The following USP54 variants were observed in gnomAD, a reference collection of about 807,000 sequenced individuals.
USP54 encodes ubiquitin specific peptidase 54, also known as ubiquitin carboxyl-terminal hydrolase 54.
In USP54, 87 loss-of-function variants were observed where a neutral mutation model predicts 170.5. The observed-to-expected ratio is 0.51, with a 90% CI of 0.43 to 0.61. The LOEUF (loss-of-function observed/expected upper bound fraction) is 0.61, where lower values mean the gene tolerates loss of function less well. Ranked by LOEUF, USP54 falls within the 20% of genes least tolerant of loss-of-function variation. USP54 has a pLI of 0.00. For missense variants in USP54, 1,786 were observed against 2,047.8 expected (o/e 0.87, Z 2.47); for synonymous variants, 655 against 742.8 (o/e 0.88, Z 1.92).
At chr10:73,557,141 A>C (rs984626989) in intron 4 of USP54, among the ~76,000 whole-genome samples, 2 of 152,148 alleles carry the variant, frequency 1.3e-5, no homozygotes, top group African/African-American at 4.8e-5. Flanking sequence ...ATAAGCCAAC[A>C]CCAAAGTCAA....
chr10:73,608,670 CA>C (rs2079876299), intron 1 of USP54, among the ~76,000 whole-genome samples: 1 of 152,102 alleles, frequency 6.6e-6, no homozygotes, highest in Admixed American at 6.6e-5. Context: ...CCGAGGTGGG[CA>C]GATCATTTGA....
intron 17 of USP54, among the ~76,000 whole-genome samples, chr10:73,521,600 C>T (rs898310218): frequency 6.6e-6 from 1 of 152,240 alleles, no homozygotes; most frequent in Non-Finnish European, 1.5e-5. Flanking sequence ...AATCAGTGCA[C>T]TTCTTGGTCA....
Position 73,517,235 on chromosome 10 carries a change from G to C in USP54, c.3191C>G (p.Pro1064Arg). 4 of 1,614,178 alleles carry C rather than the reference G, an allele frequency of 2.5e-6. No individual in the cohort carries two copies. The highest frequency in any genetic ancestry group is 3.4e-6 in the Non-Finnish European group (4 of 1,180,020). The change falls in exon 20 of 24, where the codon CCC becomes CGC. Residue 1064 changes from proline to arginine, a missense_variant. Pro to Arg is a moderately radical substitution (Grantham distance 103). Coordinates refer to ENST00000687698, the MANE Select transcript of USP54 (RefSeq NM_001391956.1). The part of the protein sequence containing the change: ...GCSPSNSSAQ[P>R]SLPLYRTCHP... ...GCAGGTTCTATACAGGGGAAGGCTG[G>C]GCTGAGCTGATGAATTTGAAGGACT...
intron 4 of USP54, among the ~76,000 whole-genome samples, chr10:73,548,551 T>TA (rs200811237): frequency 0.051 from 7,756 of 151,952 alleles, 612 homozygotes; most frequent in African/African-American, 0.17. Flanking sequence ...TATGCAGCCT[T>TA]AAAAAAAATG....
At chr10:73,513,866 A>G (rs1250721649) in intron 20 of USP54, among the ~76,000 whole-genome samples, 1 of 152,078 alleles carries the variant, frequency 6.6e-6, no homozygotes, top group Non-Finnish European at 1.5e-5. Context: ...CCAGGTTAGA[A>G]TGCAGTGGCA....
At chr10:73,552,139 T>A (rs2069536920) in intron 4 of USP54, among the ~76,000 whole-genome samples, 1 of 152,214 alleles carries the variant, frequency 6.6e-6, no homozygotes. Context: ...TTCAGCTATA[T>A]GATCTCGGGT....
upstream of USP54, among the ~76,000 whole-genome samples, chr10:73,593,493 A>C (rs193297756): frequency 1.3e-5 from 2 of 152,236 alleles, no homozygotes; most frequent in Admixed American, 1.3e-4. Context: ...TATTTTTTAA[A>C]ATAGGGTTTT....
chr10:73,604,781 G>A (rs1360555740), intron 1 of USP54, among the ~76,000 whole-genome samples: 4 of 151,978 alleles, frequency 2.6e-5, no homozygotes, highest in African/African-American at 4.8e-5. Flanking sequence ...CTTCAAGAAC[G>A]AAGCCGCAGA....
chr10:73,536,147 C>T, intron 11 of USP54, 122 bp downstream of exon 11: 6 of 1,377,926 alleles, frequency 4.4e-6, no homozygotes, highest in East Asian at 2.5e-5. Flanking sequence ...TTCTTTCTTA[C>T]CTCTAATGGA....
intron 5 of USP54, 58 bp downstream of exon 5, chr10:73,545,480 G>A: frequency 1.3e-6 from 2 of 1,598,792 alleles, no homozygotes; most frequent in Non-Finnish European, 1.7e-6. Flanking sequence ...GCCAGTCCCT[G>A]ATGGAGACCA....
chr10:73,573,973 T>G (rs1390938630), intron 3 of USP54, among the ~76,000 whole-genome samples: 1 of 152,204 alleles, frequency 6.6e-6, no homozygotes, highest in Non-Finnish European at 1.5e-5. Context: ...TCTTGTCTTC[T>G]CTCATAGCAA....
rs558364327 is a variant in USP54 at position 73,497,978 on chromosome 10, A to G, written c.*651T>C. The stretch of plus-strand genomic sequence containing the variant: ...GATGAGGGCTCAGGTGGAGGTGGGG[A>G]CATAAAGCATCCAGGAATAAAATGT... On this transcript the variant is annotated 3_prime_UTR_variant, in exon 24 of 24. Coordinates refer to ENST00000687698, the MANE Select transcript of USP54 (RefSeq NM_001391956.1). The G allele has an allele frequency of 6.6e-6, 1 of 152,530 alleles. No homozygotes were observed. The highest frequency in any genetic ancestry group is 2.4e-5 in the African/African-American group (1 of 41,586). The allele number at this position is 152,530 out of a possible 1,614,324, so 9.4% of individuals were successfully genotyped here. A position where few individuals can be genotyped will look rare whatever the true frequency, so the allele number is the denominator to read the frequency against.
In USP54 at chr10:73,502,949, G is replaced by A. The variant is rs550560735; in HGVS notation, c.4311+1901C>T. Among the ~76,000 whole-genome samples the A allele has an allele frequency of 1.4e-4, 22 of 152,176 alleles. 1 individual carries two copies. In the South Asian group the frequency reaches 4.1e-3, roughly 29 times the overall value. ...ATCATTATCTACCCATAAAACTTGA[G>A]TATCATCCTTTATCCCCACTCCCAA... On this transcript the variant is annotated intron_variant, in intron 22 of 23. Transcript: ENST00000687698.
rs747029735 is a variant in USP54, at chr10:73,534,588, A to G, written c.1315+12T>C. On this transcript the variant is annotated intron_variant, in intron 12 of 23. Transcript: ENST00000687698. ...GATTCAGGCAAGCAGGACCCTCTGTATAAGTCCCTACCTGTGTCCCGACTG... is the reference window on the plus strand; with the variant it reads ...GATTCAGGCAAGCAGGACCCTCTGTGTAAGTCCCTACCTGTGTCCCGACTG... The G allele has an allele frequency of 1.8e-4, 289 of 1,612,986 alleles. No homozygotes were observed. Among genetic ancestry groups the G allele is most frequent in the Non-Finnish European group, 2.3e-4 (272 of 1,179,416 alleles).
At chr10:73,502,116 A>G (rs1441238581) in intron 22 of USP54, among the ~76,000 whole-genome samples, 2 of 152,216 alleles carry the variant, frequency 1.3e-5, no homozygotes, top group African/African-American at 4.8e-5. Flanking sequence ...ATAATACATT[A>G]AATAAAATAA....
chr10:73,525,259 G>A (rs1267875867), intron 16 of USP54, among the ~76,000 whole-genome samples: 1 of 152,076 alleles, frequency 6.6e-6, no homozygotes, highest in African/African-American at 2.4e-5. Context: ...TTGAATTACT[G>A]GACTTGATTT....
At chr10:73,510,260 G>A (rs181229244) in intron 20 of USP54, among the ~76,000 whole-genome samples, 83 of 151,936 alleles carry the variant, frequency 5.5e-4, no homozygotes, top group African/African-American at 1.8e-3. Flanking sequence ...ACTTGAACCC[G>A]GGAGGCGGAG....
intron 4 of USP54, among the ~76,000 whole-genome samples, chr10:73,554,580 A>G (rs2070482799): frequency 6.6e-6 from 1 of 152,218 alleles, no homozygotes; most frequent in South Asian, 2.1e-4. Context: ...CTCAAAAATA[A>G]TAACATAGGA....
rs948138506 is a variant in USP54 at position 73,505,172 on chromosome 10, A to G, written c.4170+136T>C. Reference sequence around the variant, plus strand: ...TCTCCTCTAATTCAAAAGAAGCCCAATCATAGACCTTATTTTCTTCTGATA... The same window carrying G: ...TCTCCTCTAATTCAAAAGAAGCCCAGTCATAGACCTTATTTTCTTCTGATA... On this transcript the variant is annotated intron_variant, in intron 21 of 23. Transcript: ENST00000687698. 8.9e-6 allele frequency: 11 copies of G among 1,229,058 alleles called. No homozygotes were observed. In the Admixed American group the frequency reaches 2.0e-4, roughly 22 times the overall value. The allele number at this position is 1,229,058 out of a possible 1,614,324, so 76.1% of individuals were successfully genotyped here.
Sources: gnomAD v4.1 joint callset for allele counts (sites outside exome capture counted in the v4.1 genomes callset) on GRCh38, gnomAD v4.1.1 for gene constraint, MANE v1.5 for transcripts, NCBI Gene and HGNC (gene_info 2026-07-23, HGNC 2026-07-21) for gene names.